The following WDR48 variants were observed in gnomAD, a reference collection of about 807,000 sequenced individuals.
WDR48 encodes the protein WD repeat domain 48.
In WDR48, 22 loss-of-function variants were observed where a neutral mutation model predicts 94.0. The ratio of observed to expected loss-of-function variants is 0.23; its 90% CI spans 0.17 to 0.33. The LOEUF is 0.33. Ranked by LOEUF, WDR48 falls within the 10% of genes least tolerant of loss-of-function variation. The pLI is 1.00. For synonymous variants in WDR48, 278 were observed against 280.5 expected, an observed-to-expected ratio of 0.99 and a Z score of 0.09; for missense variants, 541 against 813.8, an observed-to-expected ratio of 0.66 and a Z score of 4.08.
intron 1 of WDR48, 136 bp downstream of exon 1, chr3:39,052,209 G>C (rs2032451807): frequency 9.7e-7 from 1 of 1,033,414 alleles, no homozygotes; most frequent in Admixed American, 2.8e-5. Flanking sequence ...CCGGCCACGA[G>C]GGGTGGGGCC....
At chr3:39,087,210 G>GT (rs745857101) in intron 14 of WDR48, among the ~76,000 whole-genome samples, 5 of 152,172 alleles carry the variant, frequency 3.3e-5, no homozygotes, top group Non-Finnish European at 7.3e-5. Flanking sequence ...ACTTGAGTTG[G>GT]TATCACCCAC....
At chr3:39,077,918 G>T in intron 9 of WDR48, 1 of 437,230 alleles carries the variant, frequency 2.3e-6, no homozygotes. Context: ...CTGCTTTCAT[G>T]CATAGTTTTC....
intron 7 of WDR48, among the ~76,000 whole-genome samples, chr3:39,070,674 A>AGATGTGAAG (rs1170179576): frequency 1.3e-5 from 2 of 148,552 alleles, no homozygotes; most frequent in Admixed American, 1.3e-4. Flanking sequence ...AGGTATTTGG[A>AGATGTGAAG]GATGTGAAGG....
intron 10 of WDR48, 140 bp downstream of exon 10, chr3:39,078,379 TAAGGA>T: frequency 1.5e-6 from 1 of 667,750 alleles, no homozygotes; most frequent in Non-Finnish European, 2.6e-6. Context: ...ATTTTTAATA[TAAGGA>T]AAAGGTTTTT....
chr3:39,089,491 T>C (rs2034976918), intron 16 of WDR48, 173 bp downstream of exon 16: 1 of 447,966 alleles, frequency 2.2e-6, no homozygotes, highest in South Asian at 5.2e-5. Context: ...TAATTATTTA[T>C]CTATCTAGCT....
chr3:39,088,225 A>C lies in WDR48; in HGVS notation c.1572A>C (p.Thr524=), dbSNP rs2125681204. The change falls in exon 15 of 19, where the codon ACA becomes ACC. Residue 524 remains threonine, a synonymous_variant. Transcript: ENST00000302313. ...TCTTTGGTGAAGCTGGAGGTCGCAC[A>C]CTGTTCAGGTATGGGTAAGAAAGAC... The part of the protein sequence containing the change: ...PVIFGEAGGR[T]LFRLLCRDSG... 2.5e-6 allele frequency: 4 copies of C among 1,614,194 alleles called. No individual in the cohort carries two copies. In the South Asian group the frequency reaches 4.4e-5, roughly 18 times the overall value.
chr3:39,061,163 A>G (rs997833344), intron 1 of WDR48, among the ~76,000 whole-genome samples: 9 of 152,170 alleles, frequency 5.9e-5, no homozygotes, highest in African/African-American at 1.2e-4. Flanking sequence ...GGTTTGTTAC[A>G]TAAGTATACA....
At position 39,062,061 on chromosome 3, in the gene WDR48, A is replaced by C. The variant is rs541431681; in HGVS notation, c.49-989A>C. Among the ~76,000 whole-genome samples the C allele has an allele frequency of 2.4e-4, 36 of 152,104 alleles. 1 individual carries two copies. The highest frequency in any genetic ancestry group is 8.0e-4 in the African/African-American group (33 of 41,472). The stretch of plus-strand genomic sequence containing the variant: ...CTCCCATTCTGTAGGTTGCCTGTTC[A>C]CTCTGATGATAGTTTCTTTTGCTGT... On this transcript the variant is annotated intron_variant, in intron 1 of 18. Transcript: ENST00000302313.
chr3:39,056,524 A>G (rs1427831806), intron 1 of WDR48, among the ~76,000 whole-genome samples: 1 of 152,230 alleles, frequency 6.6e-6, no homozygotes, highest in African/African-American at 2.4e-5. Flanking sequence ...AAGGAAAAAG[A>G]GAAAATCCTG....
At chr3:39,088,259 C>A in intron 15 of WDR48, 26 bp downstream of exon 15, 1 of 1,607,522 alleles carries the variant, frequency 6.2e-7, no homozygotes, top group Non-Finnish European at 8.5e-7. Context: ...ACAAGAGGTT[C>A]TGCCTGAGAA....
intron 13 of WDR48, among the ~76,000 whole-genome samples, chr3:39,085,071 C>G (rs1435188236): frequency 1.3e-5 from 2 of 152,008 alleles, no homozygotes; most frequent in Non-Finnish European, 2.9e-5. Flanking sequence ...ACTAAAAATA[C>G]AAAAAATTAG....
At chr3:39,055,738 C>T (rs1162844072) in intron 1 of WDR48, among the ~76,000 whole-genome samples, 2 of 152,130 alleles carry the variant, frequency 1.3e-5, no homozygotes, top group African/African-American at 2.4e-5. Context: ...TTAGCAGTCC[C>T]TTGGTGGTAT....
chr3:39,090,517 A>G (rs2035025795), intron 16 of WDR48: 1 of 152,106 alleles, frequency 6.6e-6, no homozygotes, highest in African/African-American at 2.4e-5. Flanking sequence ...ATATTCTCCT[A>G]TATTCTCTTC....
intron 14 of WDR48, among the ~76,000 whole-genome samples, chr3:39,086,000 T>G (rs1296719524): frequency 2.0e-5 from 3 of 152,220 alleles, no homozygotes; most frequent in Non-Finnish European, 4.4e-5. Context: ...CATTGCATAG[T>G]CACTCTTCAT....
chr3:39,093,952 T>C lies in WDR48; in HGVS notation c.1824T>C (p.Asp608=). Residue 608 remains aspartate (D), a synonymous_variant, in exon 18 of 19, where the codon GAT becomes GAC. Transcript: ENST00000302313. The part of the protein sequence containing the change: ...EHVYEKIINL[D]NESQTTSSSN... ...TTTATGAAAAAATTATCAACTTGGA[T>C]AATGAGTCTCAAACCACTAGCTCTT... 6.2e-7 allele frequency: 1 copy of C among 1,613,962 alleles called. No homozygotes were observed. Among genetic ancestry groups the C allele is most frequent in the Non-Finnish European group, 8.5e-7 (1 of 1,179,950 alleles).
chr3:39,084,036 G>T, intron 11 of WDR48, 119 bp from the exon 12 acceptor site: 1 of 602,468 alleles, frequency 1.7e-6, no homozygotes, highest in Admixed American at 3.5e-5. Context: ...TTTTTGAAAT[G>T]TATTTTAGAC....
chr3:39,065,105 A>G (rs2033522957), intron 2 of WDR48, among the ~76,000 whole-genome samples: 1 of 152,162 alleles, frequency 6.6e-6, no homozygotes. Context: ...AAGTGTCTCA[A>G]ACTTGCCTGT....
intron 15 of WDR48, among the ~76,000 whole-genome samples, chr3:39,088,717 G>C (rs2034938428): frequency 1.3e-5 from 2 of 152,088 alleles, no homozygotes; most frequent in South Asian, 2.1e-4. Context: ...TTCAGGGAAG[G>C]GCTGGACTGG....
At position 39,065,801 on chromosome 3, in the gene WDR48, T is replaced by C. The variant is rs750043744; in HGVS notation, c.190-10T>C. The C allele has an allele frequency of 6.3e-7, 1 of 1,584,660 alleles. No homozygotes were observed. Among genetic ancestry groups the C allele is most frequent in the African/African-American group, 1.4e-5 (1 of 73,226 alleles). On this transcript the variant is annotated splice_polypyrimidine_tract_variant and intron_variant, in intron 2 of 18. Coordinates refer to ENST00000302313, the MANE Select transcript of WDR48 (RefSeq NM_020839.4). Reference sequence around the variant, plus strand: ...CATATAAACTCTTAGGATTTTTCTTTTAATTTCAGCAAGATCCATATATAG... The same window carrying C: ...CATATAAACTCTTAGGATTTTTCTTCTAATTTCAGCAAGATCCATATATAG...
Sources: gnomAD v4.1 joint callset for allele counts (sites outside exome capture counted in the v4.1 genomes callset) on GRCh38, gnomAD v4.1.1 for gene constraint, MANE v1.5 for transcripts, NCBI Gene and HGNC (gene_info 2026-07-23, HGNC 2026-07-21) for gene names.